The following CAMSAP1 variants were observed in gnomAD, a reference collection of about 807,000 sequenced individuals.
CAMSAP1 encodes calmodulin-regulated spectrin-associated protein 1.
A neutral mutation model predicts 143.5 loss-of-function variants in CAMSAP1; 58 were observed. The observed-to-expected ratio is 0.40, with a 90% CI of 0.33 to 0.50. CAMSAP1 has a LOEUF of 0.50. CAMSAP1 is among the 20% of genes least tolerant of loss of function. CAMSAP1 has a pLI of 0.45. For synonymous variants in CAMSAP1, 945 were observed against 859.3 expected (o/e 1.10, Z -1.74); for missense variants, 1,969 against 2,115.7 (o/e 0.93, Z 1.36).
intron 1 of CAMSAP1, among the ~76,000 whole-genome samples, chr9:135,904,747 T>C (rs1838720254): frequency 1.3e-5 from 2 of 151,658 alleles, no homozygotes; most frequent in Admixed American, 1.3e-4. Flanking sequence ...GGCAGGCGGA[T>C]CGTGAGGTCA....
In CAMSAP1 at chr9:135,811,516, C is replaced by T; in HGVS notation, c.4602G>A (p.Glu1534=). Residue 1534 remains glutamate (E), a synonymous_variant, in exon 17 of 17, where the codon GAG becomes GAA. Coordinates refer to ENST00000389532, the MANE Select transcript of CAMSAP1 (RefSeq NM_015447.4). This position sits in a 1 kb window ranked among gnomAD's most constrained non-coding sequence, Gnocchi z 4.9. The stretch of plus-strand genomic sequence containing the variant: ...CCGTGCCAGTGAGTTTGTAGATTTC[C>T]TCAGTATCAGGATAGTAGCAGTAAA... ...RALYCYYPDT[E]EIYKLTGTGP... 1 of 1,609,012 alleles carries T rather than the reference C, an allele frequency of 6.2e-7. No homozygotes were observed. The highest frequency in any genetic ancestry group is 8.5e-7 in the Non-Finnish European group (1 of 1,177,464).
At chr9:135,838,502 A>G (rs1836210383) in intron 7 of CAMSAP1, among the ~76,000 whole-genome samples, 1 of 142,848 alleles carries the variant, frequency 7.0e-6, no homozygotes, top group Non-Finnish European at 1.5e-5. Flanking sequence ...CCCCTTCTAC[A>G]GACACACGTC....
chr9:135,835,125 G>A (rs1057381678), intron 7 of CAMSAP1, among the ~76,000 whole-genome samples: 1 of 152,074 alleles, frequency 6.6e-6, no homozygotes, highest in African/African-American at 2.4e-5. Context: ...CCAAGCACAG[G>A]ATTTGGCAGG....
chr9:135,823,962 T>C lies in CAMSAP1; in HGVS notation c.1388A>G (p.Glu463Gly). The change falls in exon 10 of 17, where the codon GAA (glutamate) becomes GGA (glycine). Residue 463 changes from glutamate to glycine, a missense_variant. Transcript: ENST00000389532. Reference sequence around the variant, plus strand: ...AACACAGACTCACCTGGTTTTTTTTTCTGGCCAGGCTATTGCTGCTCCTCG... The same window carrying C: ...AACACAGACTCACCTGGTTTTTTTTCCTGGCCAGGCTATTGCTGCTCCTCG... ...QPRGAAIAWP[E>G]KKTRPASQPT... The C allele has an allele frequency of 6.3e-7, 1 of 1,581,788 alleles. No individual in the cohort carries two copies. The highest frequency in any genetic ancestry group is 1.2e-5 in the South Asian group (1 of 85,888).
At chr9:135,896,436 T>C (rs1838455367) in intron 1 of CAMSAP1, among the ~76,000 whole-genome samples, 1 of 152,124 alleles carries the variant, frequency 6.6e-6, no homozygotes, top group Non-Finnish European at 1.5e-5. Flanking sequence ...TCTACAAGTA[T>C]AGCTAGGGAC....
At chr9:135,879,332 GAA>G (rs1837856197) in intron 3 of CAMSAP1, among the ~76,000 whole-genome samples, 1 of 152,130 alleles carries the variant, frequency 6.6e-6, no homozygotes, top group South Asian at 2.1e-4. Context: ...GCAACAGCCT[GAA>G]AAGTCACTTA....
intron 4 of CAMSAP1, chr9:135,865,303 T>A (rs1489792357): frequency 1.3e-6 from 2 of 1,550,050 alleles, no homozygotes. Context: ...GCTCTGTAGA[T>A]GGCAGCTGGC....
intron 1 of CAMSAP1, among the ~76,000 whole-genome samples, chr9:135,884,304 A>C (rs1436119907): frequency 6.6e-6 from 1 of 152,022 alleles, no homozygotes; most frequent in Non-Finnish European, 1.5e-5. Context: ...AAGCTCTCCT[A>C]AGCTCTTCCC....
At chr9:135,853,810 C>CTTCAATGGAACTGCACCTGCCACAG (rs1221245192) in intron 5 of CAMSAP1, among the ~76,000 whole-genome samples, 3 of 152,192 alleles carry the variant, frequency 2.0e-5, no homozygotes, top group Admixed American at 6.5e-5. Flanking sequence ...TCTCCTGGGC[C>CTTCAATGGAACTGCACCTGCCACAG]TTCAATGGAA....
chr9:135,838,295 A>G (rs1227412051), intron 7 of CAMSAP1, among the ~76,000 whole-genome samples: 2 of 149,944 alleles, frequency 1.3e-5, no homozygotes, highest in Non-Finnish European at 3.0e-5. Context: ...GTACAGACAC[A>G]CATCATCACG....
At chr9:135,843,873 C>CAAAAAA (rs150201026) in intron 7 of CAMSAP1, among the ~76,000 whole-genome samples, 2 of 63,928 alleles carry the variant, frequency 3.1e-5, no homozygotes, top group Non-Finnish European at 6.1e-5. Flanking sequence ...GACTCCGTCT[C>CAAAAAA]AAAAAAAAAA....
intron 1 of CAMSAP1, among the ~76,000 whole-genome samples, chr9:135,892,173 C>A (rs566089559): frequency 1.3e-5 from 2 of 152,228 alleles, no homozygotes; most frequent in South Asian, 4.1e-4. Context: ...TAGAAAACCC[C>A]AAACAGAATA....
chr9:135,898,503 A>G (rs1838522449), intron 1 of CAMSAP1, among the ~76,000 whole-genome samples: 1 of 152,212 alleles, frequency 6.6e-6, no homozygotes, highest in South Asian at 2.1e-4. Context: ...TTGTTTAAAG[A>G]AAAATATATA....
chr9:135,811,635 A>T lies in CAMSAP1; in HGVS notation c.4507-24T>A, dbSNP rs762339772. ...TCCTGTGCAGAGAGAGAAAAGGGGA[A>T]GAGACAAACACTTCAGGGCCACTCC... On this transcript the variant is annotated intron_variant, in intron 16 of 16. Transcript: ENST00000389532. The surrounding 1 kb of genome is among the most constrained non-coding windows in gnomAD (Gnocchi z 4.9). The T allele has an allele frequency of 6.4e-7, 1 of 1,560,134 alleles. No individual in the cohort carries two copies. The highest frequency in any genetic ancestry group is 1.2e-5 in the South Asian group (1 of 84,606).
intron 3 of CAMSAP1, among the ~76,000 whole-genome samples, chr9:135,874,662 T>A (rs1435585313): frequency 6.6e-6 from 1 of 151,788 alleles, no homozygotes; most frequent in East Asian, 1.9e-4. Context: ...TACTAAACAG[T>A]ACAGTAAGGC....
rs1834947340 is a variant in CAMSAP1, at chr9:135,809,080, A to G, written c.*2229T>C. The G allele has an allele frequency of 1.3e-5, 2 of 152,236 alleles. No individual in the cohort carries two copies. Among genetic ancestry groups the G allele is most frequent in the African/African-American group, 2.4e-5 (1 of 41,462 alleles). The allele number at this position is 152,236 out of a possible 1,614,324, so 9.4% of individuals were successfully genotyped here. On this transcript the variant is annotated 3_prime_UTR_variant, in exon 17 of 17. Transcript: ENST00000389532. ...ATAAACAGAGTTATAAGTCAGTGTT[A>G]TCAACTGCAAAATCATGACTTTACC...
At chr9:135,866,658 T>C in intron 3 of CAMSAP1, 122 bp from the exon 4 acceptor site, 1 of 617,896 alleles carries the variant, frequency 1.6e-6, no homozygotes, top group South Asian at 1.8e-5. Flanking sequence ...ACATAGGTAT[T>C]GTTTAGGCCA....
At chr9:135,866,589 T>C in intron 3 of CAMSAP1, 53 bp from the exon 4 acceptor site, 1 of 842,698 alleles carries the variant, frequency 1.2e-6, no homozygotes, top group South Asian at 1.4e-5. Flanking sequence ...CGCACAATTG[T>C]ATCTCCACAA....
Position 135,820,753 on chromosome 9 carries a change from G to A in CAMSAP1, c.3822+86C>T. 1 of 1,512,762 alleles carries A rather than the reference G, an allele frequency of 6.6e-7. No individual in the cohort carries two copies. The highest frequency in any genetic ancestry group is 8.9e-7 in the Non-Finnish European group (1 of 1,125,840). 93.7% of individuals were successfully genotyped at this position (1,512,762 alleles called of 1,614,324 possible). On this transcript the variant is annotated intron_variant, in intron 11 of 16. Coordinates refer to ENST00000389532, the MANE Select transcript of CAMSAP1 (RefSeq NM_015447.4). The surrounding 1 kb of genome is among the most constrained non-coding windows in gnomAD (Gnocchi z 4.4). ...TCTTACAGGAGCGGCTGGCCAGCCT[G>A]GTGCAGATCTGTGTTCTCTAACTCA...
Sources: gnomAD v4.1 joint callset for allele counts (sites outside exome capture counted in the v4.1 genomes callset) on GRCh38, gnomAD v4.1.1 for gene constraint, Gnocchi (gnomAD v3.1) non-coding constraint, MANE v1.5 for transcripts, NCBI Gene and HGNC (gene_info 2026-07-23, HGNC 2026-07-21) for gene names.